Variants in FMNL2 observed in about 807,000 individuals in gnomAD.
FMNL2 encodes formin-like protein 2.
In FMNL2, 51 loss-of-function variants were observed where a neutral mutation model predicts 130.2. The observed-to-expected ratio is 0.39, with a 90% CI of 0.31 to 0.49. The LOEUF (loss-of-function observed/expected upper bound fraction) is 0.49, where lower values mean the gene tolerates loss of function less well. Ranked by LOEUF, FMNL2 falls within the 20% of genes least tolerant of loss-of-function variation. FMNL2 has a pLI of 0.85. For missense variants in FMNL2, 977 were observed against 1,316.2 expected, an observed-to-expected ratio of 0.74 and a Z score of 3.99; for synonymous variants, 465 against 467.1, an observed-to-expected ratio of 1.00 and a Z score of 0.06.
chr2:152,634,908 A>ATTTGGT (rs1343609786), intron 21 of FMNL2, among the ~76,000 whole-genome samples: 1 of 151,944 alleles, frequency 6.6e-6, no homozygotes, highest in Non-Finnish European at 1.5e-5. Context: ...GCAGACCACC[A>ATTTGGT]AATGGTGACC....
At chr2:152,494,139 G>T (rs556430430) in intron 1 of FMNL2, among the ~76,000 whole-genome samples, 21 of 152,342 alleles carry the variant, frequency 1.4e-4, no homozygotes, top group African/African-American at 5.1e-4. Flanking sequence ...AGTTCCTCTG[G>T]AAGACGGTAT....
rs777107307 is a variant in FMNL2 at position 152,636,564 on chromosome 2, C to T, written c.2818C>T (p.Leu940=). Residue 940 remains leucine (L), a synonymous_variant, in exon 22 of 26, where the codon CTG becomes TTG. Coordinates refer to ENST00000288670, the MANE Select transcript of FMNL2 (RefSeq NM_052905.4). Reference sequence around the variant, plus strand: ...CAACAATGAGGGGAAGCTGAAGAAGCTGCAGGATGATGCCAAGATCGCACA... The same window carrying T: ...CAACAATGAGGGGAAGCTGAAGAAGTTGCAGGATGATGCCAAGATCGCACA... ...ILNNEGKLKK[L]QDDAKIAQDA... 26 of 1,570,288 alleles carry T rather than the reference C, an allele frequency of 1.7e-5. No homozygotes were observed. The highest frequency in any genetic ancestry group is 2.2e-5 in the Non-Finnish European group (25 of 1,156,910).
intron 1 of FMNL2, among the ~76,000 whole-genome samples, chr2:152,418,588 A>G (rs1686741817): frequency 6.6e-6 from 1 of 152,190 alleles, no homozygotes; most frequent in Admixed American, 6.5e-5. Flanking sequence ...TTCACTTAGT[A>G]TAATGTTGGT....
At chr2:152,515,303 A>G (rs999521886) in intron 1 of FMNL2, among the ~76,000 whole-genome samples, 1 of 152,146 alleles carries the variant, frequency 6.6e-6, no homozygotes, top group Admixed American at 6.6e-5. Context: ...TGCCTTGTCA[A>G]AGCCTGAGTT....
intron 1 of FMNL2, among the ~76,000 whole-genome samples, chr2:152,503,471 CT>C (rs1691972266): frequency 6.6e-6 from 1 of 152,100 alleles, no homozygotes; most frequent in Admixed American, 6.5e-5. Flanking sequence ...GTGGGGAATT[CT>C]GGATAAACTG....
chr2:152,612,321 A>T (rs976487960), intron 11 of FMNL2, among the ~76,000 whole-genome samples: 1 of 152,136 alleles, frequency 6.6e-6, no homozygotes, highest in African/African-American at 2.4e-5. Flanking sequence ...GGAGTTCAAG[A>T]CCAGGCTAGG....
At chr2:152,553,931 T>C (rs373982703) in intron 4 of FMNL2, among the ~76,000 whole-genome samples, 26 of 152,334 alleles carry the variant, frequency 1.7e-4, no homozygotes, top group African/African-American at 6.0e-4. Context: ...TTTTGATTGA[T>C]GTATATGTAG....
chr2:152,635,211 G>T lies in FMNL2; in HGVS notation c.2681-1216G>T, dbSNP rs139699588. On this transcript the variant is annotated intron_variant, in intron 21 of 25. Transcript: ENST00000288670. The stretch of plus-strand genomic sequence containing the variant: ...AGAATGGTTGATGTTGAGTTCTTCA[G>T]CAGCTTCTTGTGTGGTTCCAAGAGG... Among the ~76,000 whole-genome samples the T allele has an allele frequency of 4.0e-3, 611 of 152,272 alleles. 6 individuals are homozygous for T. The highest frequency in any genetic ancestry group is 0.014 in the African/African-American group (583 of 41,544).
chr2:152,647,023 C>G (rs2105994142), intron 25 of FMNL2, among the ~76,000 whole-genome samples: 1 of 152,264 alleles, frequency 6.6e-6, no homozygotes, highest in Non-Finnish European at 1.5e-5. Context: ...CAAGGATTTT[C>G]TTATGCAGGA....
chr2:152,343,972 A>G (rs1359918943), intron 1 of FMNL2, among the ~76,000 whole-genome samples: 1 of 152,036 alleles, frequency 6.6e-6, no homozygotes, highest in Non-Finnish European at 1.5e-5. Flanking sequence ...GGAGCAACAT[A>G]GGGAGACCTC....
rs139542304 is a variant in FMNL2, at chr2:152,557,469, T to C, written c.360-1271T>C. ...AGGCAATCTTTCCACTTTCCCACTTTGCCGCCTCCTGGAACTACCTGCAGA... is the reference window on the plus strand; with the variant it reads ...AGGCAATCTTTCCACTTTCCCACTTCGCCGCCTCCTGGAACTACCTGCAGA... On this transcript the variant is annotated intron_variant, in intron 4 of 25. Coordinates refer to ENST00000288670, the MANE Select transcript of FMNL2 (RefSeq NM_052905.4). Among the ~76,000 whole-genome samples the C allele has an allele frequency of 5.8e-3, 881 of 152,362 alleles. 14 individuals are homozygous for C. The highest frequency in any genetic ancestry group is 0.02 in the African/African-American group (839 of 41,578).
chr2:152,509,969 C>T (rs1692407107), intron 1 of FMNL2, among the ~76,000 whole-genome samples: 1 of 151,622 alleles, frequency 6.6e-6, no homozygotes, highest in Non-Finnish European at 1.5e-5. Flanking sequence ...GGCTGGTCTC[C>T]AACTCCTGGG....
chr2:152,637,677 A>G lies in FMNL2; in HGVS notation c.2946+3A>G, dbSNP rs763349718. 9 of 1,612,624 alleles carry G rather than the reference A, an allele frequency of 5.6e-6. No individual in the cohort carries two copies. The highest frequency in any genetic ancestry group is 4.2e-6 in the Non-Finnish European group (5 of 1,178,836). ...TCCGGTTTGTGAAAGCATATAAGGT[A>G]TATGTTAAGGCCCTCCTTGCCCTTA... On this transcript the variant is annotated splice_donor_region_variant and intron_variant, in intron 23 of 25. Coordinates refer to ENST00000288670, the MANE Select transcript of FMNL2 (RefSeq NM_052905.4).
intron 1 of FMNL2, among the ~76,000 whole-genome samples, chr2:152,410,928 A>G (rs1680374784): frequency 6.6e-6 from 1 of 152,092 alleles, no homozygotes; most frequent in Non-Finnish European, 1.5e-5. Context: ...TTTGCCCCAA[A>G]TTATTTCCCC....
chr2:152,424,300 TG>T (rs112847114), intron 1 of FMNL2, among the ~76,000 whole-genome samples: 26,261 of 151,984 alleles, frequency 0.17, 2,449 homozygotes, highest in Middle Eastern at 0.31. Context: ...CGCGTTTTGG[TG>T]GGAGGAAAAT....
At chr2:152,486,664 T>A (rs568955751) in intron 1 of FMNL2, among the ~76,000 whole-genome samples, 1 of 152,370 alleles carries the variant, frequency 6.6e-6, no homozygotes, top group East Asian at 1.9e-4. Context: ...CCTTGAGTTA[T>A]GAAGCTTGTT....
chr2:152,357,622 A>G (rs1037404442), intron 1 of FMNL2, among the ~76,000 whole-genome samples: 3 of 147,076 alleles, frequency 2.0e-5, no homozygotes, highest in African/African-American at 7.5e-5. Flanking sequence ...ATGTATAACG[A>G]TAAATATTAA....
chr2:152,560,412 TA>T (rs1695460496), intron 5 of FMNL2, among the ~76,000 whole-genome samples: 1 of 152,198 alleles, frequency 6.6e-6, no homozygotes, highest in African/African-American at 2.4e-5. Context: ...ATAACTTTGC[TA>T]GTAATGTATC....
rs544582800 is a variant in FMNL2 at position 152,484,055 on chromosome 2, G to A, written c.118-37888G>A. On this transcript the variant is annotated intron_variant, in intron 1 of 25. Transcript: ENST00000288670. ...ACCCTCTACACTGGTCAGTGGTGTT[G>A]AATCAAGCTATTGCTGGAAGGTCCT... 2.0e-5 allele frequency among the ~76,000 whole-genome samples: 3 copies of A among 152,298 alleles called. No individual in the cohort carries two copies. The South Asian group carries it at 6.2e-4, about 32-fold the overall frequency.
Sources: gnomAD v4.1 joint callset for allele counts (sites outside exome capture counted in the v4.1 genomes callset) on GRCh38, gnomAD v4.1.1 for gene constraint, MANE v1.5 for transcripts, NCBI Gene and HGNC (gene_info 2026-07-23, HGNC 2026-07-21) for gene names.